Variants in NFATC3 observed in about 807,000 individuals in gnomAD.
NFATC3 encodes nuclear factor of activated T-cells, cytoplasmic 3.
Under a neutral mutation model 98.6 loss-of-function variants are expected in NFATC3, and 46 were observed. The ratio of observed to expected loss-of-function variants is 0.47; its 90% CI spans 0.37 to 0.60. NFATC3 has a LOEUF of 0.60. Ranked by LOEUF, NFATC3 falls within the 20% of genes least tolerant of loss-of-function variation. The pLI is 0.00. For synonymous variants in NFATC3, 512 were observed against 472.2 expected (o/e 1.08, Z -1.09); for missense variants, 1,256 against 1,295.5 (o/e 0.97, Z 0.47).
chr16:68,121,860 C>G, intron 1 of NFATC3, 127 bp from the exon 2 acceptor site: 2 of 1,110,168 alleles, frequency 1.8e-6, no homozygotes, highest in South Asian at 3.3e-5. Context: ...TAATGACATA[C>G]ATTTTATATC....
intron 3 of NFATC3, among the ~76,000 whole-genome samples, chr16:68,147,835 T>C (rs2038114802): frequency 2.6e-5 from 4 of 152,038 alleles, no homozygotes; most frequent in Admixed American, 1.3e-4. Flanking sequence ...TACCTTCATT[T>C]TTTTTTACCT....
intron 9 of NFATC3, chr16:68,225,818 A>G (rs376956612): frequency 2.6e-5 from 4 of 152,164 alleles, no homozygotes; most frequent in African/African-American, 9.7e-5. Context: ...AGAGCACTGT[A>G]CCTCCCTGAG....
At position 68,191,721 on chromosome 16, in the gene NFATC3, G is replaced by A. The variant is rs1292009633; in HGVS notation, c.3052G>A (p.Asp1018Asn). ...ATVSIKPEPE[D>N]REPNFATIGL... ...TGTGAGCATTAAACCTGAACCAGAAGATCGAGAGCCTAACTTTGCAACCAT... is the reference window on the plus strand; with the variant it reads ...TGTGAGCATTAAACCTGAACCAGAAAATCGAGAGCCTAACTTTGCAACCAT... Residue 1018 changes from aspartate (D) to asparagine (N), a missense_variant, in exon 9 of 10, where the codon GAT becomes AAT. This residue lies in a region of NFATC3 where 636 missense variants were observed against 617.3 expected (regional missense o/e 1.03). Coordinates refer to ENST00000346183, the MANE Select transcript of NFATC3 (RefSeq NM_173165.3). 1 of 1,614,172 alleles carries A rather than the reference G, an allele frequency of 6.2e-7. No homozygotes were observed. Among genetic ancestry groups the A allele is most frequent in the Admixed American group, 1.7e-5 (1 of 60,010 alleles).
At chr16:68,092,281 C>T (rs1219188250) in intron 1 of NFATC3, among the ~76,000 whole-genome samples, 5 of 151,138 alleles carry the variant, frequency 3.3e-5, no homozygotes, top group Middle Eastern at 3.2e-3. Context: ...CATGATGAAA[C>T]CCTGTCTTTA....
chr16:68,112,199 G>A (rs1023099421), intron 1 of NFATC3, among the ~76,000 whole-genome samples: 2 of 150,868 alleles, frequency 1.3e-5, no homozygotes, highest in East Asian at 1.9e-4. Context: ...GGATGATACC[G>A]TGAAGTATGT....
intron 8 of NFATC3, among the ~76,000 whole-genome samples, 188 bp downstream of exon 8, chr16:68,183,554 G>T (rs1422787452): frequency 1.3e-5 from 2 of 152,154 alleles, no homozygotes; most frequent in Non-Finnish European, 2.9e-5. Flanking sequence ...ATTTTGTAAT[G>T]ATTTATTATA....
At chr16:68,091,672 C>T (rs1164263381) in intron 1 of NFATC3, among the ~76,000 whole-genome samples, 1 of 152,158 alleles carries the variant, frequency 6.6e-6, no homozygotes, top group Non-Finnish European at 1.5e-5. Flanking sequence ...AAGGCAGTCA[C>T]ATTGCTCTTA....
intron 9 of NFATC3, among the ~76,000 whole-genome samples, chr16:68,208,296 C>A (rs1291025810): frequency 6.6e-6 from 1 of 152,140 alleles, no homozygotes; most frequent in African/African-American, 2.4e-5. Flanking sequence ...CTTAGCCTCC[C>A]AAAGTGCAGG....
At chr16:68,192,230 A>AAAAATATATATATAT (rs1555522047) in intron 9 of NFATC3, 1 of 82,600 alleles carries the variant, frequency 1.2e-5, no homozygotes, top group African/African-American at 5.7e-5. Context: ...AAAAAAAAAA[A>AAAAATATATATATAT]ATATATATAT....
intron 5 of NFATC3, among the ~76,000 whole-genome samples, chr16:68,171,420 G>A (rs1433758949): frequency 1.3e-5 from 2 of 151,772 alleles, no homozygotes; most frequent in African/African-American, 2.4e-5. Flanking sequence ...CTGAGATCTA[G>A]GTTGGTGCTT....
chr16:68,109,920 T>C (rs1230089463), intron 1 of NFATC3, among the ~76,000 whole-genome samples: 1 of 152,244 alleles, frequency 6.6e-6, no homozygotes, highest in Admixed American at 6.5e-5. Context: ...AGTGGTGATA[T>C]CTGCTTTATC....
At chr16:68,110,439 G>A (rs2035885131) in intron 1 of NFATC3, among the ~76,000 whole-genome samples, 1 of 151,752 alleles carries the variant, frequency 6.6e-6, no homozygotes, top group Admixed American at 6.6e-5. Context: ...CTCCTGAGTA[G>A]CTGGGACTAC....
intron 9 of NFATC3, among the ~76,000 whole-genome samples, chr16:68,215,722 CTTT>C (rs35024337): frequency 5.2e-5 from 5 of 96,036 alleles, no homozygotes; most frequent in Non-Finnish European, 8.0e-5. Flanking sequence ...GAGATTTGCA[CTTT>C]TTTTTTTTTT....
At chr16:68,213,021 G>A (rs1271793489) in intron 9 of NFATC3, among the ~76,000 whole-genome samples, 2 of 144,106 alleles carry the variant, frequency 1.4e-5, no homozygotes, top group African/African-American at 5.2e-5. Context: ...GGATGGTCTC[G>A]GTGTCCTCAC....
At chr16:68,128,371 T>C (rs2036948902) in intron 3 of NFATC3, among the ~76,000 whole-genome samples, 2 of 152,282 alleles carry the variant, frequency 1.3e-5, no homozygotes, top group South Asian at 4.1e-4. Flanking sequence ...CATAAGAATT[T>C]TGTCATTTTG....
At chr16:68,140,439 C>T (rs1184808287) in intron 3 of NFATC3, among the ~76,000 whole-genome samples, 4 of 152,112 alleles carry the variant, frequency 2.6e-5, no homozygotes, top group African/African-American at 4.8e-5. Context: ...ACTAGCTACA[C>T]GTGGATATTT....
intron 1 of NFATC3, among the ~76,000 whole-genome samples, chr16:68,092,589 G>T (rs1369752244): frequency 2.6e-5 from 3 of 114,016 alleles, no homozygotes; most frequent in African/African-American, 9.4e-5. Context: ...GAGAAACCCC[G>T]CCTCTACTAA....
chr16:68,189,334 A>G, intron 8 of NFATC3: 1 of 207,950 alleles, frequency 4.8e-6, no homozygotes, highest in Admixed American at 4.4e-5. Flanking sequence ...TGCCTATCTC[A>G]TATAAGCCAG....
rs149115383 is a variant in NFATC3, at chr16:68,215,879, C to A, written c.3107-10471C>A. Among the ~76,000 whole-genome samples the A allele has an allele frequency of 9.3e-4, 141 of 152,062 alleles. No individual in the cohort carries two copies. In the East Asian group the frequency reaches 0.023, roughly 24 times the overall value. On this transcript the variant is annotated intron_variant, in intron 9 of 9. Coordinates refer to ENST00000346183, the MANE Select transcript of NFATC3 (RefSeq NM_173165.3). ...AGTAGCTGGGACTACAAGGCGCCTG[C>A]CACCACGCCCGGCTAATTTTTTGTA...
Sources: gnomAD v4.1 joint callset for allele counts (sites outside exome capture counted in the v4.1 genomes callset) on GRCh38, gnomAD v4.1.1 for gene constraint, gnomAD v4.1.1 regional missense constraint, MANE v1.5 for transcripts, NCBI Gene and HGNC (gene_info 2026-07-23, HGNC 2026-07-21) for gene names.